DPF1: variants seen among roughly 807,000 people sequenced by gnomAD.
DPF1 encodes the protein zinc finger protein neuro-d4.
DPF1 carries 14 observed loss-of-function variants against 58.7 expected under a neutral mutation model. That is an observed-to-expected ratio of 0.24 (90% confidence interval 0.16 to 0.37). The LOEUF is 0.37. DPF1 is among the 10% of genes least tolerant of loss of function. DPF1 has a pLI of 1.00. For synonymous variants in DPF1, 216 were observed against 216.0 expected (o/e 1.00, Z 0.00); for missense variants, 345 against 529.9 (o/e 0.65, Z 3.43).
At position 38,211,877 on chromosome 19, in the gene DPF1, T is replaced by C; in HGVS notation, c.*186A>G. On this transcript the variant is annotated 3_prime_UTR_variant, in exon 12 of 12. Transcript: ENST00000355526. The surrounding 1 kb of genome is among the most constrained non-coding windows in gnomAD (Gnocchi z 4.0). ...GAGGGAGGGAGGGAGGGAGAGGCCC[T>C]GGCCGGGCCCACCCACCCACAGGGC... 2 of 635,146 alleles carry C rather than the reference T, an allele frequency of 3.1e-6. No individual in the cohort carries two copies. The highest frequency in any genetic ancestry group is 2.0e-5 in the South Asian group (1 of 51,254). The allele number at this position is 635,146 out of a possible 1,614,324, so 39.3% of individuals were successfully genotyped here.
upstream of DPF1, among the ~76,000 whole-genome samples, chr19:38,225,930 G>T (rs970503125): frequency 1.3e-5 from 2 of 151,396 alleles, no homozygotes; most frequent in Admixed American, 1.3e-4. Context: ...GATATTTGTT[G>T]AATGAGTAAA....
upstream of DPF1, among the ~76,000 whole-genome samples, chr19:38,226,535 CACACT>C (rs1967831212): frequency 2.6e-5 from 4 of 151,222 alleles, no homozygotes; most frequent in Admixed American, 1.3e-4. Flanking sequence ...CACACACACA[CACACT>C]CCTCTAGTCT....
At position 38,217,851 on chromosome 19, in the gene DPF1, T is replaced by C. The variant is rs1286426116; in HGVS notation, c.542A>G (p.Lys181Arg). 1 of 1,614,074 alleles carries C rather than the reference T, an allele frequency of 6.2e-7. No homozygotes were observed. The highest frequency in any genetic ancestry group is 1.1e-5 in the South Asian group (1 of 91,078). Residue 181 changes from lysine to arginine, a missense_variant, in exon 6 of 12, where the codon AAA (lysine) becomes AGA (arginine). Physicochemically the swap from Lys to Arg is conservative, Grantham distance 26. Transcript: ENST00000355526. ...GKAYGIGGLRKRQDTASLEDR... is the reference protein window; with the variant it reads ...GKAYGIGGLRRRQDTASLEDR... ...CTCCAGGGAAGCGGTGTCCTGGCGT[T>C]TCCGGAGACCCCCGATGCCATATGC...
intron 6 of DPF1, 38 bp from the exon 7 acceptor site, chr19:38,217,629 T>A: frequency 4.6e-6 from 7 of 1,530,852 alleles, no homozygotes; most frequent in Non-Finnish European, 6.2e-6. Flanking sequence ...TGTCAGCCCC[T>A]CCGGGCCCCT....
At position 38,216,384 on chromosome 19, in the gene DPF1, G is replaced by A. The variant is rs774845808; in HGVS notation, c.747C>T (p.Ala249=). 6.3e-7 allele frequency: 1 copy of A among 1,594,720 alleles called. No homozygotes were observed. The highest frequency in any genetic ancestry group is 1.3e-5 in the African/African-American group (1 of 74,502). Residue 249 remains alanine, a synonymous_variant, in exon 8 of 12, where the codon GCC becomes GCT. Transcript: ENST00000355526. ...NNHKQFYKEL[A]WVPEAQRKHT... ...GTTTCCTTTGTGCCTCAGGGACCCA[G>A]GCCAATTCTTTGTAAAACTCTGGGG... is the stretch of plus-strand genomic sequence containing the variant.
At chr19:38,221,108 A>G (rs1285673608) in intron 3 of DPF1, among the ~76,000 whole-genome samples, 1 of 152,170 alleles carries the variant, frequency 6.6e-6, no homozygotes, top group African/African-American at 2.4e-5. Context: ...TACACAAGAC[A>G]CAAGCCTTCT....
intron 5 of DPF1, 75 bp from the exon 6 acceptor site, chr19:38,217,951 C>T: frequency 1.3e-6 from 2 of 1,511,596 alleles, no homozygotes; most frequent in Admixed American, 1.7e-5. Flanking sequence ...CACCTGTAAT[C>T]CCAGCACTTT....
chr19:38,225,709 C>A (rs1025223776), upstream of DPF1, among the ~76,000 whole-genome samples: 1 of 151,618 alleles, frequency 6.6e-6, no homozygotes, highest in Non-Finnish European at 1.5e-5. Context: ...GGCAACATAG[C>A]GAGACCTGGT....
chr19:38,211,049 T>G lies in DPF1; in HGVS notation c.*1014A>C, dbSNP rs1973370067. ...GGCCCAGTTTAATACACAGAACAAG[T>G]TAATTCACAGCAGAGGCAGGCAATA... On this transcript the variant is annotated 3_prime_UTR_variant, in exon 12 of 12. Transcript: ENST00000355526. The surrounding 1 kb of genome is among the most constrained non-coding windows in gnomAD (Gnocchi z 4.0). The G allele has an allele frequency of 6.6e-6, 1 of 152,454 alleles. No individual in the cohort carries two copies. The highest frequency in any genetic ancestry group is 1.5e-5 in the Non-Finnish European group (1 of 68,260). The allele number at this position is 152,454 out of a possible 1,614,324, so 9.4% of individuals were successfully genotyped here.
upstream of DPF1, chr19:38,224,234 C>T: frequency 1.6e-6 from 2 of 1,280,688 alleles, no homozygotes; most frequent in Non-Finnish European, 9.9e-7. The surrounding 1 kb of genome is among the most constrained non-coding windows in gnomAD (Gnocchi z 4.5). Flanking sequence ...CCATTCATTC[C>T]CGGGGGGCGG....
intron 3 of DPF1, among the ~76,000 whole-genome samples, chr19:38,221,237 G>C (rs567037721): frequency 1.1e-3 from 170 of 152,204 alleles, no homozygotes; most frequent in African/African-American, 3.6e-3. Context: ...GGCACCCACA[G>C]AAAAAAATAC....
rs779973087 is a variant in DPF1, at chr19:38,211,702, CTT to C, written c.*359_*360del. On this transcript the variant is annotated 3_prime_UTR_variant, in exon 12 of 12. Coordinates refer to ENST00000355526, the MANE Select transcript of DPF1 (RefSeq NM_001135155.3). This position sits in a 1 kb window ranked among gnomAD's most constrained non-coding sequence, Gnocchi z 4.0. The stretch of plus-strand genomic sequence containing the variant: ...ATATATTAACTTCTTTTCTTTTCTT[CTT>C]TTTTTTTTTTTTAACTTTTTGTCTT... The C allele has an allele frequency of 2.2e-3, 395 of 178,508 alleles. No individual in the cohort carries two copies. The highest frequency in any genetic ancestry group is 3.9e-3 in the East Asian group (30 of 7,604). 11.1% of individuals were successfully genotyped at this position (178,508 alleles called of 1,614,324 possible). A position where few individuals can be genotyped will look rare whatever the true frequency, so the allele number is the denominator to read the frequency against.
At chr19:38,229,144 C>A (rs149495200), upstream of DPF1, among the ~76,000 whole-genome samples, 12 of 152,122 alleles carry the variant, frequency 7.9e-5, no homozygotes, top group African/African-American at 2.4e-4. This position sits in a 1 kb window ranked among gnomAD's most constrained non-coding sequence, Gnocchi z 5.3. Flanking sequence ...CTTTGATGAG[C>A]GGAGAGCGGG....
rs1967534388 is a variant in DPF1, at chr19:38,222,185, G to C, written c.298+172C>G. 6.6e-6 allele frequency among the ~76,000 whole-genome samples: 1 copy of C among 152,150 alleles called. No homozygotes were observed. Among genetic ancestry groups the C allele is most frequent in the African/African-American group, 2.4e-5 (1 of 41,442 alleles). On this transcript the variant is annotated intron_variant, in intron 3 of 11. Coordinates refer to ENST00000355526, the MANE Select transcript of DPF1 (RefSeq NM_001135155.3). The surrounding 1 kb of genome is among the most constrained non-coding windows in gnomAD (Gnocchi z 4.9). The stretch of plus-strand genomic sequence containing the variant: ...TAGGAGGAGATGCAGTCGCCACTCA[G>C]TGACTCAGAGAAACTGTGGAATCTC...
chr19:38,225,192 T>C (rs1171837915), upstream of DPF1, among the ~76,000 whole-genome samples: 1 of 152,090 alleles, frequency 6.6e-6, no homozygotes, highest in Non-Finnish European at 1.5e-5. Context: ...TGCAGTGAGC[T>C]GAGATCGTGC....
upstream of DPF1, among the ~76,000 whole-genome samples, chr19:38,226,979 T>C (rs1465101005): frequency 7.3e-6 from 1 of 137,758 alleles, no homozygotes; most frequent in Non-Finnish European, 1.5e-5. Context: ...TCTTTTCTTT[T>C]CTTCTTTTAT....
At chr19:38,212,899 C>T (rs1973562970) in intron 10 of DPF1, among the ~76,000 whole-genome samples, 1 of 151,162 alleles carries the variant, frequency 6.6e-6, no homozygotes, top group Non-Finnish European at 1.5e-5. Context: ...ACAGGTGGGC[C>T]ACCGCTCCCG....
chr19:38,224,248 C>A (rs1967715525), upstream of DPF1: 19 of 1,268,422 alleles, frequency 1.5e-5, no homozygotes, highest in Admixed American at 4.2e-5. The surrounding 1 kb of genome is among the most constrained non-coding windows in gnomAD (Gnocchi z 4.5). Flanking sequence ...GGGGCGGGAG[C>A]ACGAGGGCCA....
chr19:38,227,333 C>T (rs900210023), upstream of DPF1, among the ~76,000 whole-genome samples: 4 of 152,136 alleles, frequency 2.6e-5, no homozygotes, highest in African/African-American at 9.7e-5. Context: ...CCACCCTGCC[C>T]TCCCAAAGTG....
Sources: allele counts gnomAD v4.1 joint callset (sites outside exome capture counted in the v4.1 genomes callset), GRCh38; gene constraint gnomAD v4.1.1; non-coding constraint Gnocchi (gnomAD v3.1); transcripts MANE v1.5; gene names NCBI Gene and HGNC (gene_info 2026-07-23, HGNC 2026-07-21).